UBTD2: variants seen among roughly 807,000 people sequenced by gnomAD.
The protein encoded by UBTD2 is ubiquitin domain containing 2, also known as ubiquitin domain-containing protein 2.
In UBTD2, 9 loss-of-function variants were observed where a neutral mutation model predicts 19.8. The ratio of observed to expected loss-of-function variants is 0.46; its 90% CI spans 0.27 to 0.79. The LOEUF is 0.79. Among genes scored for constraint, UBTD2 ranks in the 30% least tolerant of loss-of-function variants. UBTD2 has a pLI of 0.14. For missense variants in UBTD2, 250 were observed against 300.4 expected (o/e 0.83, Z 1.24); for synonymous variants, 98 against 103.9 (o/e 0.94, Z 0.35).
At chr5:172,217,861 C>A (rs1771575904) in intron 2 of UBTD2, among the ~76,000 whole-genome samples, 1 of 152,128 alleles carries the variant, frequency 6.6e-6, no homozygotes, top group South Asian at 2.1e-4. Flanking sequence ...GACAGAACTA[C>A]AAGGAGAAAG....
At chr5:172,221,664 T>A (rs1353872320) in intron 2 of UBTD2, among the ~76,000 whole-genome samples, 1 of 151,886 alleles carries the variant, frequency 6.6e-6, no homozygotes, top group African/African-American at 2.4e-5. Flanking sequence ...ATGAAGACAA[T>A]AAAAAAGGTC....
At chr5:172,249,215 T>C (rs1164901608) in intron 1 of UBTD2, among the ~76,000 whole-genome samples, 2 of 151,558 alleles carry the variant, frequency 1.3e-5, no homozygotes, top group African/African-American at 4.8e-5. Context: ...TTGGCCAACA[T>C]GGTGAAACCC....
At chr5:172,212,558 G>C (rs1438292918) in intron 2 of UBTD2, among the ~76,000 whole-genome samples, 2 of 152,126 alleles carry the variant, frequency 1.3e-5, no homozygotes, top group Non-Finnish European at 2.9e-5. Flanking sequence ...ATTACATTAG[G>C]ATATCTTTTA....
chr5:172,233,865 C>G (rs960246801), intron 2 of UBTD2, among the ~76,000 whole-genome samples: 2 of 151,794 alleles, frequency 1.3e-5, no homozygotes, highest in African/African-American at 4.8e-5. Context: ...TACACGGAAA[C>G]TTTTTAGATG....
intron 1 of UBTD2, chr5:172,254,398 C>T: frequency 5.7e-6 from 2 of 350,708 alleles, no homozygotes; most frequent in South Asian, 8.4e-5. Flanking sequence ...CGCCCGGCCT[C>T]CATGTGGCTT....
intron 1 of UBTD2, among the ~76,000 whole-genome samples, 192 bp from the exon 2 acceptor site, chr5:172,234,550 T>C (rs1771970590): frequency 2.0e-5 from 3 of 152,234 alleles, no homozygotes; most frequent in Non-Finnish European, 4.4e-5. Context: ...GACATTAGAC[T>C]GCTCTATGCA....
intron 2 of UBTD2, among the ~76,000 whole-genome samples, chr5:172,215,796 A>G (rs997746562): frequency 6.6e-6 from 1 of 152,226 alleles, no homozygotes; most frequent in Admixed American, 6.5e-5. Flanking sequence ...TAACAGAAAT[A>G]AAGAACGCCT....
chr5:172,248,292 A>G (rs369557192), intron 1 of UBTD2, among the ~76,000 whole-genome samples: 5 of 152,168 alleles, frequency 3.3e-5, no homozygotes, highest in Non-Finnish European at 5.9e-5. Context: ...GTAAAAGAAC[A>G]TAAAGACTAC....
chr5:172,214,322 C>CG (rs1433280669), intron 2 of UBTD2, among the ~76,000 whole-genome samples: 1 of 152,128 alleles, frequency 6.6e-6, no homozygotes, highest in African/African-American at 2.4e-5. Flanking sequence ...ATCAACCCAC[C>CG]ACAGGTCCAA....
intron 1 of UBTD2, among the ~76,000 whole-genome samples, chr5:172,240,251 G>A (rs911491360): frequency 3.9e-5 from 6 of 152,086 alleles, no homozygotes; most frequent in African/African-American, 1.4e-4. Flanking sequence ...GTGGCTTTAC[G>A]GCCTATCACT....
intron 1 of UBTD2, among the ~76,000 whole-genome samples, chr5:172,243,167 A>G (rs911977802): frequency 4.0e-5 from 6 of 150,602 alleles, no homozygotes. Context: ...CTTTGCCAAT[A>G]AAACTTTTTT....
At chr5:172,279,843 A>G (rs1317707054) in intron 1 of UBTD2, among the ~76,000 whole-genome samples, 1 of 152,206 alleles carries the variant, frequency 6.6e-6, no homozygotes, top group Non-Finnish European at 1.5e-5. Flanking sequence ...ACCATACAGA[A>G]TGTCTGAAAA....
intron 2 of UBTD2, among the ~76,000 whole-genome samples, chr5:172,222,769 T>C (rs1219617647): frequency 6.6e-6 from 1 of 152,202 alleles, no homozygotes; most frequent in African/African-American, 2.4e-5. Context: ...GATTCAATGA[T>C]GTAAAATTAA....
chr5:172,214,768 C>T (rs559580284), intron 2 of UBTD2, among the ~76,000 whole-genome samples: 95 of 152,242 alleles, frequency 6.2e-4, no homozygotes, highest in African/African-American at 2.1e-3. Context: ...TTATTCTTTT[C>T]GGCACTTCTT....
At chr5:172,259,315 G>A (rs1050387539) in intron 1 of UBTD2, among the ~76,000 whole-genome samples, 3 of 152,042 alleles carry the variant, frequency 2.0e-5, no homozygotes, top group South Asian at 2.1e-4. Flanking sequence ...GCTAATTTTT[G>A]TATTTTTGGT....
At chr5:172,255,670 C>T (rs1207394542) in intron 1 of UBTD2, among the ~76,000 whole-genome samples, 1 of 152,194 alleles carries the variant, frequency 6.6e-6, no homozygotes, top group Non-Finnish European at 1.5e-5. Context: ...TGGCTCCTGG[C>T]ACCAACTCCA....
At chr5:172,264,814 T>C (rs1248960831) in intron 1 of UBTD2, among the ~76,000 whole-genome samples, 1 of 151,990 alleles carries the variant, frequency 6.6e-6, no homozygotes, top group Non-Finnish European at 1.5e-5. Context: ...AGGTCAAGGC[T>C]GCAGTGAGCT....
intron 1 of UBTD2, chr5:172,254,799 C>A: frequency 1.8e-6 from 1 of 549,638 alleles, no homozygotes; most frequent in South Asian, 2.1e-5. Context: ...CTCTGTGGTT[C>A]AATCCCAGGT....
chr5:172,219,352 A>G (rs1202965141), intron 2 of UBTD2, among the ~76,000 whole-genome samples: 1 of 152,188 alleles, frequency 6.6e-6, no homozygotes, highest in East Asian at 1.9e-4. Flanking sequence ...AAATGGAAAA[A>G]TCCAGAATCA....
Sources: allele counts gnomAD v4.1 joint callset (sites outside exome capture counted in the v4.1 genomes callset), GRCh38; gene constraint gnomAD v4.1.1; transcripts MANE v1.5; gene names NCBI Gene and HGNC (gene_info 2026-07-23, HGNC 2026-07-21).